The following MSRA variants were observed in gnomAD, a reference collection of about 807,000 sequenced individuals.
MSRA encodes mitochondrial peptide methionine sulfoxide reductase.
MSRA carries 54 observed loss-of-function variants against 31.3 expected under a neutral mutation model. The observed-to-expected ratio is 1.73, with a 90% confidence interval of 1.39 to 2.17. MSRA has a LOEUF of 2.17. Ranked by LOEUF, MSRA falls within the 30% of genes most tolerant of loss-of-function variation. MSRA has a pLI of 0.00. For synonymous variants in MSRA, 169 were observed against 116.5 expected (o/e 1.45, Z -2.90); for missense variants, 507 against 300.9 (o/e 1.69, Z -5.07).
intron 3 of MSRA, among the ~76,000 whole-genome samples, chr8:10,287,504 G>A (rs535139187): frequency 6.6e-6 from 1 of 152,190 alleles, no homozygotes; most frequent in Non-Finnish European, 1.5e-5. Flanking sequence ...GAAAAGTCCA[G>A]TGCAGAGTTC....
intron 5 of MSRA, among the ~76,000 whole-genome samples, chr8:10,364,911 T>C (rs1301388848): frequency 1.3e-5 from 2 of 152,128 alleles, no homozygotes; most frequent in South Asian, 2.1e-4. Flanking sequence ...CCCCAAAATA[T>C]CATTCATTAA....
chr8:10,301,904 T>C (rs1298427749), intron 4 of MSRA, among the ~76,000 whole-genome samples: 2 of 152,180 alleles, frequency 1.3e-5, no homozygotes, highest in East Asian at 3.8e-4. Context: ...ACAATAGCGA[T>C]CCGTTCACCT....
chr8:10,183,188 C>T (rs1474342817), intron 1 of MSRA, among the ~76,000 whole-genome samples: 1 of 152,118 alleles, frequency 6.6e-6, no homozygotes, highest in Non-Finnish European at 1.5e-5. Context: ...CTTGGTACTC[C>T]CTTGACTCCC....
At chr8:10,335,163 G>A (rs916373258) in intron 5 of MSRA, among the ~76,000 whole-genome samples, 1 of 151,766 alleles carries the variant, frequency 6.6e-6, no homozygotes, top group African/African-American at 2.4e-5. Flanking sequence ...GCTTCTCCAT[G>A]GAATGGGAAG....
At chr8:10,342,909 G>C (rs1305299768) in intron 5 of MSRA, among the ~76,000 whole-genome samples, 1 of 152,194 alleles carries the variant, frequency 6.6e-6, no homozygotes, top group East Asian at 1.9e-4. Context: ...TCTCTGGCCT[G>C]AGCGTTCTCA....
chr8:10,129,873 C>G (rs1470163585), intron 1 of MSRA, among the ~76,000 whole-genome samples: 4 of 152,044 alleles, frequency 2.6e-5, no homozygotes, highest in Admixed American at 2.0e-4. Context: ...CCCCATATTT[C>G]TCCTCTCTCT....
intron 5 of MSRA, among the ~76,000 whole-genome samples, chr8:10,419,127 C>T (rs867569035): frequency 6.6e-6 from 1 of 152,166 alleles, no homozygotes. Context: ...TAGAGCCAGC[C>T]CCCTCCACTC....
intron 1 of MSRA, among the ~76,000 whole-genome samples, chr8:10,066,761 C>T (rs1296633732): frequency 6.6e-6 from 1 of 152,140 alleles, no homozygotes; most frequent in African/African-American, 2.4e-5. Context: ...TCTCGAACTC[C>T]TGACCTCAGG....
intron 3 of MSRA, among the ~76,000 whole-genome samples, chr8:10,266,697 T>G (rs1798765940): frequency 6.6e-6 from 1 of 152,220 alleles, no homozygotes; most frequent in Non-Finnish European, 1.5e-5. Flanking sequence ...AGAAATTGTA[T>G]AGTTTAAGAT....
intron 5 of MSRA, among the ~76,000 whole-genome samples, chr8:10,417,256 C>G (rs1808516359): frequency 6.6e-6 from 1 of 152,150 alleles, no homozygotes; most frequent in Non-Finnish European, 1.5e-5. Flanking sequence ...TGAACGCGCT[C>G]CTTGTCATTG....
chr8:10,305,564 C>T (rs761103339), intron 4 of MSRA, among the ~76,000 whole-genome samples: 8 of 152,118 alleles, frequency 5.3e-5, no homozygotes, highest in Non-Finnish European at 1.0e-4. Flanking sequence ...CAGGCATCCG[C>T]CACCACACCC....
chr8:10,322,921 C>A (rs1158893192), intron 5 of MSRA, among the ~76,000 whole-genome samples: 1 of 152,024 alleles, frequency 6.6e-6, no homozygotes, highest in African/African-American at 2.4e-5. Context: ...GAAACTCGGT[C>A]TCTACTAAAA....
intron 2 of MSRA, among the ~76,000 whole-genome samples, chr8:10,217,893 G>C (rs1810136559): frequency 2.0e-5 from 3 of 152,168 alleles, no homozygotes; most frequent in East Asian, 1.9e-4. Flanking sequence ...AATATAAATA[G>C]TTTCTTTTCA....
At chr8:10,212,276 A>G (rs947036853) in intron 2 of MSRA, among the ~76,000 whole-genome samples, 1 of 152,202 alleles carries the variant, frequency 6.6e-6, no homozygotes, top group Non-Finnish European at 1.5e-5. Context: ...AGTGCTGTGA[A>G]CAATTATACT....
intron 1 of MSRA, among the ~76,000 whole-genome samples, chr8:10,136,468 G>C (rs1045271659): frequency 6.6e-6 from 1 of 152,212 alleles, no homozygotes; most frequent in Non-Finnish European, 1.5e-5. Context: ...CAGCTCGGGA[G>C]CCCACAAGAT....
chr8:10,425,821 T>C (rs1470859038), intron 5 of MSRA, among the ~76,000 whole-genome samples: 1 of 152,234 alleles, frequency 6.6e-6, no homozygotes, highest in Non-Finnish European at 1.5e-5. Context: ...CCCGGAGCCC[T>C]TGGGATCCGA....
intron 1 of MSRA, among the ~76,000 whole-genome samples, chr8:10,198,214 C>A (rs180693796): frequency 5.3e-5 from 8 of 152,136 alleles, no homozygotes; most frequent in Admixed American, 1.3e-4. Flanking sequence ...CAAAATCACC[C>A]ATAAATCAGC....
chr8:10,113,467 G>A (rs1334271766), intron 1 of MSRA, among the ~76,000 whole-genome samples: 3 of 151,644 alleles, frequency 2.0e-5, no homozygotes, highest in Non-Finnish European at 2.9e-5. Flanking sequence ...GAGGGTAGGA[G>A]GAGGGGATTG....
chr8:10,092,114 C>T (rs1798889728), intron 1 of MSRA, among the ~76,000 whole-genome samples: 1 of 152,042 alleles, frequency 6.6e-6, no homozygotes, highest in Non-Finnish European at 1.5e-5. Flanking sequence ...TGCTGATATT[C>T]TGTGTTTGTT....
Sources: gnomAD v4.1 joint callset for allele counts (sites outside exome capture counted in the v4.1 genomes callset) on GRCh38, gnomAD v4.1.1 for gene constraint, MANE v1.5 for transcripts, NCBI Gene and HGNC (gene_info 2026-07-23, HGNC 2026-07-21) for gene names.